The following ZNF316 variants were observed in gnomAD, a reference collection of about 807,000 sequenced individuals.
ZNF316 encodes the protein zinc finger protein 316.
ZNF316 carries 23 observed loss-of-function variants against 75.6 expected under a neutral mutation model. That is an observed-to-expected ratio of 0.30 (90% CI 0.22 to 0.43). The LOEUF is 0.43. Among genes scored for constraint, ZNF316 ranks in the 20% least tolerant of loss-of-function variants. ZNF316 has a pLI of 1.00. For missense variants in ZNF316, 1,266 were observed against 1,409.4 expected, an observed-to-expected ratio of 0.90 and a Z score of 1.63; for synonymous variants, 827 against 666.2, an observed-to-expected ratio of 1.24 and a Z score of -3.72.
At chr7:6,641,588 C>T (rs1779312975) in intron 3 of ZNF316, among the ~76,000 whole-genome samples, 1 of 152,248 alleles carries the variant, frequency 6.6e-6, no homozygotes, top group South Asian at 2.1e-4. Context: ...AGCTTCTGGG[C>T]TGAGCTGTTA....
At chr7:6,646,989 G>T (rs984924627) in intron 8 of ZNF316, among the ~76,000 whole-genome samples, 6 of 152,132 alleles carry the variant, frequency 3.9e-5, no homozygotes, top group Admixed American at 2.6e-4. Flanking sequence ...CCCCTGCCCT[G>T]CCTTTCTCCT....
chr7:6,649,438 G>A (rs755506554), intron 8 of ZNF316, among the ~76,000 whole-genome samples: 3 of 152,202 alleles, frequency 2.0e-5, no homozygotes, highest in Non-Finnish European at 2.9e-5. Flanking sequence ...CTGTTGCCCC[G>A]GCTTGGGTCT....
rs537519474 is a variant in ZNF316 at position 6,655,232 on chromosome 7, T to C, written c.*621T>C. 1 of 152,322 alleles carries C rather than the reference T, an allele frequency of 6.6e-6. No homozygotes were observed. Among genetic ancestry groups the C allele is most frequent in the African/African-American group, 2.4e-5 (1 of 41,558 alleles). 9.4% of individuals were successfully genotyped at this position (152,322 alleles called of 1,614,324 possible). A position where few individuals can be genotyped will look rare whatever the true frequency, so the allele number is the denominator to read the frequency against. ...TCTGCGGATATTTATTTCCACTTCT[T>C]GTATGGCCTGAAGAATCTAGGAGGA... On this transcript the variant is annotated 3_prime_UTR_variant, in exon 9 of 9. Coordinates refer to ENST00000382252, the MANE Select transcript of ZNF316 (RefSeq NM_001278559.2).
Position 6,654,608 on chromosome 7 carries a change from G to A in ZNF316, c.3012G>A (p.Leu1004=). The stretch of plus-strand genomic sequence containing the variant: ...CGGGCGCCTACCGGGAGGGCGTCCT[G>A]TGAGGGGCCCGGGGCCGACAGCAGC... ...GPSGAYREGV[L] Residue 1004 remains leucine (L), a synonymous_variant, in exon 9 of 9, where the codon CTG becomes CTA. Transcript: ENST00000382252. 1.7e-6 allele frequency: 2 copies of A among 1,185,802 alleles called. No homozygotes were observed. The highest frequency in any genetic ancestry group is 2.1e-6 in the Non-Finnish European group (2 of 958,340). 73.5% of individuals were successfully genotyped at this position (1,185,802 alleles called of 1,614,324 possible).
Position 6,653,795 on chromosome 7 carries a change from C to A in ZNF316, c.2199C>A (p.His733Gln). The A allele has an allele frequency of 9.2e-7, 1 of 1,082,532 alleles. No homozygotes were observed. The highest frequency in any genetic ancestry group is 4.3e-5 in the South Asian group (1 of 23,072). The allele number at this position is 1,082,532 out of a possible 1,614,324, so 67.1% of individuals were successfully genotyped here. A position where few individuals can be genotyped will look rare whatever the true frequency, so the allele number is the denominator to read the frequency against. The change falls in exon 9 of 9, where the codon CAC becomes CAA. Residue 733 changes from histidine to glutamine, a missense_variant. His to Gln is a conservative substitution (Grantham distance 24). Transcript: ENST00000382252. Reference protein sequence around the residue: ...DCGKSFVYGSHLARHRRTHTG... With the variant: ...DCGKSFVYGSQLARHRRTHTG... ...GCAAGAGCTTCGTGTACGGCTCGCA[C>A]CTGGCGCGCCACCGGCGCACACACA...
In ZNF316 at chr7:6,654,127, C is replaced by T; in HGVS notation, c.2531C>T (p.Ser844Leu). The T allele has an allele frequency of 8.2e-7, 1 of 1,220,544 alleles. No homozygotes were observed. Among genetic ancestry groups the T allele is most frequent in the Non-Finnish European group, 1.0e-6 (1 of 979,934 alleles). The allele number at this position is 1,220,544 out of a possible 1,614,324, so 75.6% of individuals were successfully genotyped here. Residue 844 changes from serine (S) to leucine (L), a missense_variant, in exon 9 of 9, where the codon TCG becomes TTG. Coordinates refer to ENST00000382252, the MANE Select transcript of ZNF316 (RefSeq NM_001278559.2). ...TGCGGCAAGGGCTTCGGCCACAGCT[C>T]GGACTTCAAGCGGCATCGGCGCACG... ...PDCGKGFGHS[S>L]DFKRHRRTHT...
intron 2 of ZNF316, among the ~76,000 whole-genome samples, chr7:6,638,366 G>T (rs373638737): frequency 7.9e-5 from 12 of 152,324 alleles, no homozygotes; most frequent in African/African-American, 2.9e-4. Context: ...AAGTCCTTCA[G>T]GAGGGCATGA....
rs559498796 is a variant in ZNF316 at position 6,655,447 on chromosome 7, T to C, written c.*836T>C. 1 of 152,290 alleles carries C rather than the reference T, an allele frequency of 6.6e-6. No individual in the cohort carries two copies. Among genetic ancestry groups the C allele is most frequent in the East Asian group, 1.9e-4 (1 of 5,142 alleles). 9.4% of individuals were successfully genotyped at this position (152,290 alleles called of 1,614,324 possible). ...CTTGTCCTCTCAGTCCTTGGTACTT[T>C]CGTCTCCCTCAGCCGGAGGTGGCAA... On this transcript the variant is annotated 3_prime_UTR_variant, in exon 9 of 9. Transcript: ENST00000382252.
intron 8 of ZNF316, among the ~76,000 whole-genome samples, chr7:6,647,668 C>T (rs1047511555): frequency 2.1e-4 from 32 of 152,194 alleles, no homozygotes; most frequent in African/African-American, 6.8e-4. Context: ...GTGGACTCGC[C>T]GTGGGGCCCA....
chr7:6,653,829 C>G lies in ZNF316; in HGVS notation c.2233C>G (p.Arg745Gly). The G allele has an allele frequency of 9.3e-7, 1 of 1,080,366 alleles. No individual in the cohort carries two copies. Among genetic ancestry groups the G allele is most frequent in the Non-Finnish European group, 1.1e-6 (1 of 889,394 alleles). The allele number at this position is 1,080,366 out of a possible 1,614,324, so 66.9% of individuals were successfully genotyped here. Residue 745 changes from arginine (R) to glycine (G), a missense_variant, in exon 9 of 9, where the codon CGG becomes GGG. Arg to Gly is a moderately radical substitution (Grantham distance 125). Transcript: ENST00000382252. The stretch of plus-strand genomic sequence containing the variant: ...CCACCGGCGCACACACACCGGCGAG[C>G]GGCCCTTCCCGTGCCCCGAGTGCGG... The part of the protein sequence containing the change: ...ARHRRTHTGE[R>G]PFPCPECGAR...
At position 6,652,922 on chromosome 7, in the gene ZNF316, C is replaced by T. The variant is rs1244946373; in HGVS notation, c.1326C>T (p.Ser442=). 5.6e-6 allele frequency: 7 copies of T among 1,240,442 alleles called. No individual in the cohort carries two copies. The South Asian group carries it at 1.5e-4, about 27-fold the overall frequency. The allele number at this position is 1,240,442 out of a possible 1,614,324, so 76.8% of individuals were successfully genotyped here. ...AFCGAGFGRR[S]YLVTHQRTHT... ...GCGGCGCGGGCTTCGGGCGCCGCTC[C>T]TACCTGGTCACGCACCAGCGCACGC... Residue 442 remains serine (S), a synonymous_variant, in exon 9 of 9, where the codon TCC becomes TCT. Transcript: ENST00000382252.
At chr7:6,651,829 G>A (rs1467435878) in intron 8 of ZNF316, among the ~76,000 whole-genome samples, 1 of 152,250 alleles carries the variant, frequency 6.6e-6, no homozygotes, top group Admixed American at 6.5e-5. Context: ...CGCCGGCTGC[G>A]CTGTCTTCCA....
In ZNF316 at chr7:6,647,841, C is replaced by T. The variant is rs534869296; in HGVS notation, c.706+3248C>T. On this transcript the variant is annotated intron_variant, in intron 8 of 8. Coordinates refer to ENST00000382252, the MANE Select transcript of ZNF316 (RefSeq NM_001278559.2). ...GTGAGATGTGTGTGGGGTCCCGTGGCAGGTTGGGACCGTGTCTTCTGGGTC... is the reference window on the plus strand; with the variant it reads ...GTGAGATGTGTGTGGGGTCCCGTGGTAGGTTGGGACCGTGTCTTCTGGGTC... Among the ~76,000 whole-genome samples the T allele has an allele frequency of 7.9e-5, 12 of 152,286 alleles. No homozygotes were observed. The South Asian group carries it at 2.5e-3, about 32-fold the overall frequency.
rs1367718383 is a variant in ZNF316 at position 6,637,907 on chromosome 7, GC to G, written c.-365del. 6.6e-6 allele frequency: 1 copy of G among 152,184 alleles called. No individual in the cohort carries two copies. The highest frequency in any genetic ancestry group is 1.5e-5 in the Non-Finnish European group (1 of 68,074). The allele number at this position is 152,184 out of a possible 1,614,324, so 9.4% of individuals were successfully genotyped here. A position where few individuals can be genotyped will look rare whatever the true frequency, so the allele number is the denominator to read the frequency against. On this transcript the variant is annotated 5_prime_UTR_variant, in exon 2 of 9. Coordinates refer to ENST00000382252, the MANE Select transcript of ZNF316 (RefSeq NM_001278559.2). The surrounding 1 kb of genome is among the most constrained non-coding windows in gnomAD (Gnocchi z 6.2). ...GGGGGCGGGAGGCGCTCGGCCCGTCGCCCCAGGAGCCCGCTTTGTGACCTTG... is the reference window on the plus strand; with the variant it reads ...GGGGGCGGGAGGCGCTCGGCCCGTCGCCCAGGAGCCCGCTTTGTGACCTTG...
intron 6 of ZNF316, among the ~76,000 whole-genome samples, chr7:6,643,306 G>A (rs1488563679): frequency 4.6e-5 from 7 of 152,200 alleles, no homozygotes; most frequent in Admixed American, 4.6e-4. Context: ...TGCTTTGGCT[G>A]CCACCCACTC....
chr7:6,644,948 C>T (rs567886736), intron 8 of ZNF316, among the ~76,000 whole-genome samples: 14 of 152,346 alleles, frequency 9.2e-5, no homozygotes, highest in African/African-American at 3.1e-4. Flanking sequence ...CAGTGCTAGC[C>T]GTTCCTCCTG....
Position 6,640,507 on chromosome 7 carries a change from CTCCAAGGGGATGG to C in ZNF316, c.-166-1317_-166-1305del, listed in dbSNP as rs2115306212. Among the ~76,000 whole-genome samples, 1 of 152,330 alleles carries C rather than the reference CTCCAAGGGGATGG, an allele frequency of 6.6e-6. No individual in the cohort carries two copies. The highest frequency in any genetic ancestry group is 2.1e-4 in the South Asian group (1 of 4,826). ...GTCCTGTGAACTCATTACTCACTGT[CTCCAAGGGGATGG>C]CCCAAGATTCAGGAGGGACCCACCC... On this transcript the variant is annotated intron_variant, in intron 3 of 8. Transcript: ENST00000382252. This position sits in a 1 kb window ranked among gnomAD's most constrained non-coding sequence, Gnocchi z 5.1.
chr7:6,643,725 C>G, intron 6 of ZNF316, 97 bp from the exon 7 acceptor site: 1 of 1,125,338 alleles, frequency 8.9e-7, no homozygotes, highest in Non-Finnish European at 1.1e-6. Context: ...ATCTGTGTCC[C>G]CTGACACCCA....
intron 8 of ZNF316, among the ~76,000 whole-genome samples, chr7:6,651,834 C>T (rs957895556): frequency 6.6e-6 from 1 of 152,258 alleles, no homozygotes; most frequent in African/African-American, 2.4e-5. Context: ...GCTGCGCTGT[C>T]TTCCAGGAAG....
Sources: gnomAD v4.1 joint callset for allele counts (sites outside exome capture counted in the v4.1 genomes callset) on GRCh38, gnomAD v4.1.1 for gene constraint, Gnocchi (gnomAD v3.1) non-coding constraint, MANE v1.5 for transcripts, NCBI Gene and HGNC (gene_info 2026-07-23, HGNC 2026-07-21) for gene names.